Variants in ATP6V1D observed in about 807,000 individuals in gnomAD.
ATP6V1D encodes ATPase H+ transporting V1 subunit D.
In ATP6V1D, 20 loss-of-function variants were observed where a neutral mutation model predicts 39.4. The observed-to-expected ratio is 0.51, with a 90% CI of 0.36 to 0.74. The LOEUF is 0.74. ATP6V1D is among the 30% of genes least tolerant of loss of function. ATP6V1D has a pLI of 0.00. For synonymous variants in ATP6V1D, 100 were observed against 100.5 expected (o/e 0.99, Z 0.03); for missense variants, 228 against 291.6 (o/e 0.78, Z 1.59).
chr14:67,344,926 T>C (rs914444317), intron 6 of ATP6V1D, among the ~76,000 whole-genome samples: 3 of 149,994 alleles, frequency 2.0e-5, no homozygotes, highest in Non-Finnish European at 3.0e-5. Flanking sequence ...GAGTGTACCA[T>C]AGCACATACA....
intron 8 of ATP6V1D, 141 bp from the exon 9 acceptor site, chr14:67,338,903 A>G: frequency 1.5e-6 from 1 of 656,792 alleles, no homozygotes; most frequent in Non-Finnish European, 2.3e-6. Flanking sequence ...ATTTTCAGTA[A>G]TTTATTTATA....
Position 67,343,391 on chromosome 14 carries a change from A to T in ATP6V1D, c.504T>A (p.Arg168=), listed in dbSNP as rs769332485. 3 of 1,612,410 alleles carry T rather than the reference A, an allele frequency of 1.9e-6. No homozygotes were observed. The Admixed American group carries it at 5.0e-5, about 27-fold the overall frequency. The change falls in exon 7 of 9, where the codon CGT becomes CGA. Residue 168 remains arginine, a synonymous_variant. Transcript: ENST00000216442. ...ACTCACCATGTTCAATGGCATTTAC[A>T]CGCCTGTTGGTTATCTTAATAGCTT... The part of the protein sequence containing the change: ...LDEAIKITNR[R]VNAIEHVIIP...
At chr14:67,355,634 T>C (rs1439632555) in intron 1 of ATP6V1D, among the ~76,000 whole-genome samples, 1 of 152,018 alleles carries the variant, frequency 6.6e-6, no homozygotes, top group Non-Finnish European at 1.5e-5. Flanking sequence ...GAGCCAGTTA[T>C]AAGTTCCGGG....
intron 1 of ATP6V1D, among the ~76,000 whole-genome samples, chr14:67,358,828 T>C (rs950114247): frequency 1.3e-5 from 2 of 152,210 alleles, no homozygotes; most frequent in African/African-American, 4.8e-5. Context: ...GATATGCCAT[T>C]TTCCTGACAA....
intron 1 of ATP6V1D, among the ~76,000 whole-genome samples, chr14:67,355,050 G>A (rs1431489207): frequency 1.3e-5 from 2 of 152,062 alleles, no homozygotes; most frequent in Admixed American, 6.5e-5. Flanking sequence ...GACCTCAGGT[G>A]ATCCGCCCAC....
intron 1 of ATP6V1D, among the ~76,000 whole-genome samples, chr14:67,359,054 G>T (rs1162445325): frequency 6.6e-6 from 1 of 152,122 alleles, no homozygotes; most frequent in South Asian, 2.1e-4. Context: ...AAGGTGCAGC[G>T]GTGAGAGAGC....
At chr14:67,359,206 G>A (rs117279623) in intron 1 of ATP6V1D, among the ~76,000 whole-genome samples, 184 of 152,320 alleles carry the variant, frequency 1.2e-3, no homozygotes, top group Non-Finnish European at 2.4e-3. Flanking sequence ...CTTTGGCTTA[G>A]GGACCTCTTC....
At chr14:67,339,138 G>A (rs576660127) in intron 8 of ATP6V1D, among the ~76,000 whole-genome samples, 4 of 151,928 alleles carry the variant, frequency 2.6e-5, no homozygotes, top group Admixed American at 2.6e-4. Context: ...TGGGAATACA[G>A]GCGCATGCTG....
At chr14:67,348,359 C>A (rs191464750) in intron 4 of ATP6V1D, among the ~76,000 whole-genome samples, 112 of 152,172 alleles carry the variant, frequency 7.4e-4, no homozygotes, top group African/African-American at 2.6e-3. Flanking sequence ...TGTGAGCCAT[C>A]ACACCCGGCC....
intron 1 of ATP6V1D, among the ~76,000 whole-genome samples, chr14:67,359,317 G>C (rs558679947): frequency 6.6e-6 from 1 of 152,238 alleles, no homozygotes; most frequent in Non-Finnish European, 1.5e-5. Flanking sequence ...CTGTAGGGCA[G>C]AGGTGGCGAC....
chr14:67,351,879 C>A, intron 2 of ATP6V1D, among the ~76,000 whole-genome samples: 1 of 140,608 alleles, frequency 7.1e-6, no homozygotes, highest in African/African-American at 2.8e-5. Flanking sequence ...TAACATTTTA[C>A]ACATTAGGCA....
intron 1 of ATP6V1D, among the ~76,000 whole-genome samples, chr14:67,356,778 A>C (rs546978638): frequency 6.6e-6 from 1 of 152,330 alleles, no homozygotes; most frequent in East Asian, 1.9e-4. Context: ...GACTGGTCTC[A>C]CAAGAGGTCT....
intron 6 of ATP6V1D, among the ~76,000 whole-genome samples, chr14:67,345,112 C>T (rs898787480): frequency 6.6e-6 from 1 of 151,638 alleles, no homozygotes; most frequent in Admixed American, 6.6e-5. Flanking sequence ...TGTGATGGGG[C>T]ATGCCTATAG....
chr14:67,359,564 G>A (rs76870482), intron 1 of ATP6V1D, 94 bp downstream of exon 1: 1 of 1,415,398 alleles, frequency 7.1e-7, no homozygotes, highest in Non-Finnish European at 9.8e-7. Context: ...ATCCTCCCAG[G>A]AAACAAGGAC....
intron 7 of ATP6V1D, among the ~76,000 whole-genome samples, chr14:67,341,652 C>T (rs1312475841): frequency 7.2e-5 from 11 of 152,234 alleles, no homozygotes; most frequent in Non-Finnish European, 1.3e-4. Context: ...TGAGGAGCCC[C>T]TCTGCCCGGC....
chr14:67,353,038 G>A lies in ATP6V1D; in HGVS notation c.44C>T (p.Ala15Val), dbSNP rs2085666136. Residue 15 changes from alanine to valine, a missense_variant and splice_region_variant, in exon 2 of 9, where the codon GCA (alanine) becomes GTA (valine). Ala to Val is a moderately conservative substitution (Grantham distance 64). Coordinates refer to ENST00000216442, the MANE Select transcript of ATP6V1D (RefSeq NM_015994.4). ...TAAACGAGCCTTCATGATGGTCTGTGCCCTATATAAACATAAACAAAGTTA... is the reference window on the plus strand; with the variant it reads ...TAAACGAGCCTTCATGATGGTCTGTACCCTATATAAACATAAACAAAGTTA... ...DRIEIFPSRM[A>V]QTIMKARLKG... The A allele has an allele frequency of 6.2e-7, 1 of 1,604,614 alleles. No individual in the cohort carries two copies. Among genetic ancestry groups the A allele is most frequent in the Admixed American group, 1.7e-5 (1 of 57,922 alleles).
intron 2 of ATP6V1D, 87 bp downstream of exon 2, chr14:67,352,836 T>C (rs965292765): frequency 1.3e-6 from 1 of 789,270 alleles, no homozygotes; most frequent in African/African-American, 3.0e-5. Flanking sequence ...AAAAATTAAT[T>C]AAAATAACAA....
chr14:67,343,959 T>A (rs941306601), intron 6 of ATP6V1D, among the ~76,000 whole-genome samples: 6 of 152,232 alleles, frequency 3.9e-5, no homozygotes, highest in African/African-American at 4.8e-5. Context: ...GTTTCCAAAT[T>A]AACCTGCCTG....
Position 67,340,456 on chromosome 14 carries a change from GCT to G in ATP6V1D, c.584_585del (p.Glu195AlafsTer6). 2 of 1,613,426 alleles carry G rather than the reference GCT, an allele frequency of 1.2e-6. No homozygotes were observed. Among genetic ancestry groups the G allele is most frequent in the Non-Finnish European group, 1.7e-6 (2 of 1,179,660 alleles). ...AYIITELDEREREEFYRLKKI... is the reference protein window; with the variant it reads ...AYIITELDERXREEFYRLKKI... The stretch of plus-strand genomic sequence containing the variant: ...TCAACAAACCTATAGAACTCTTCTC[GCT>G]CTCTCTCATCCAGCTCTGTGATGAT... On this transcript the variant is annotated frameshift_variant, in exon 8 of 9. Coordinates refer to ENST00000216442, the MANE Select transcript of ATP6V1D (RefSeq NM_015994.4). LOFTEE classifies it high-confidence loss of function.
Sources: gnomAD v4.1 joint callset for allele counts (sites outside exome capture counted in the v4.1 genomes callset) on GRCh38, gnomAD v4.1.1 for gene constraint, MANE v1.5 for transcripts, NCBI Gene and HGNC (gene_info 2026-07-23, HGNC 2026-07-21) for gene names.